The following CADM1 variants were observed in gnomAD, a reference collection of about 807,000 sequenced individuals.
The protein encoded by CADM1 is cell adhesion molecule 1.
In CADM1, 15 loss-of-function variants were observed where a neutral mutation model predicts 53.1. That is an observed-to-expected ratio of 0.28 (90% CI 0.19 to 0.44). The LOEUF (loss-of-function observed/expected upper bound fraction) is 0.44. Among genes scored for constraint, CADM1 ranks in the 20% least tolerant of loss-of-function variants. The pLI is 1.00. For synonymous variants in CADM1, 281 were observed against 243.0 expected (o/e 1.16, Z -1.45); for missense variants, 434 against 611.3 (o/e 0.71, Z 3.06).
intron 1 of CADM1, among the ~76,000 whole-genome samples, chr11:115,255,109 A>G (rs1431731991): frequency 6.6e-6 from 1 of 152,148 alleles, no homozygotes; most frequent in Non-Finnish European, 1.5e-5. Context: ...AGTCGAGAAT[A>G]CTTCAGAGGT....
intron 1 of CADM1, among the ~76,000 whole-genome samples, chr11:115,302,091 A>G (rs367659909): frequency 3.9e-5 from 6 of 152,062 alleles, no homozygotes; most frequent in African/African-American, 1.4e-4. Flanking sequence ...ACCTAATTTG[A>G]AAATGTTCAT....
intron 2 of CADM1, among the ~76,000 whole-genome samples, chr11:115,239,594 T>C (rs1942143309): frequency 6.6e-6 from 1 of 152,212 alleles, no homozygotes; most frequent in South Asian, 2.1e-4. Context: ...CTTAGGTTTA[T>C]CAACGTTTTC....
In CADM1 at chr11:115,462,949, C is replaced by A. The variant is rs935727383; in HGVS notation, c.124+41322G>T. On this transcript the variant is annotated intron_variant, in intron 1 of 11. Transcript: ENST00000331581. ...TGAAGAGGGATGAAGTAGTAGGTGC[C>A]CACTAGGGAAGGGGATGGTGACTGG... Among the ~76,000 whole-genome samples the A allele has an allele frequency of 3.3e-5, 5 of 152,142 alleles. No individual in the cohort carries two copies. The South Asian group carries it at 1.0e-3, about 32-fold the overall frequency.
intron 6 of CADM1, among the ~76,000 whole-genome samples, chr11:115,215,988 C>T (rs934898418): frequency 2.6e-5 from 4 of 152,178 alleles, no homozygotes; most frequent in African/African-American, 9.7e-5. Flanking sequence ...GGTTTGTCAT[C>T]ACAACCCAGT....
intron 1 of CADM1, among the ~76,000 whole-genome samples, chr11:115,363,944 C>T (rs1267061097): frequency 6.6e-6 from 1 of 152,058 alleles, no homozygotes; most frequent in Admixed American, 6.6e-5. Flanking sequence ...ATTACAGTAA[C>T]ATGCTGTACA....
At chr11:115,200,244 T>C (rs957059181) in intron 8 of CADM1, among the ~76,000 whole-genome samples, 2 of 152,130 alleles carry the variant, frequency 1.3e-5, no homozygotes, top group African/African-American at 4.8e-5. Flanking sequence ...AACAATAAAC[T>C]GTACAGTTGA....
At chr11:115,386,915 G>C (rs1276551291) in intron 1 of CADM1, among the ~76,000 whole-genome samples, 1 of 152,120 alleles carries the variant, frequency 6.6e-6, no homozygotes, top group African/African-American at 2.4e-5. Flanking sequence ...AGAAGAGTGG[G>C]AACTAATGAA....
chr11:115,499,380 T>C lies in CADM1; in HGVS notation c.124+4891A>G, dbSNP rs1176212344. On this transcript the variant is annotated intron_variant, in intron 1 of 11. Transcript: ENST00000331581. ...CCCTATGAAGGTGCTTTGGATGACA[T>C]TTCTGTTGCGGCTGCCAAATAAATT... Among the ~76,000 whole-genome samples the C allele has an allele frequency of 2.0e-5, 3 of 152,340 alleles. No individual in the cohort carries two copies. The East Asian group carries it at 5.8e-4, about 29-fold the overall frequency.
intron 1 of CADM1, among the ~76,000 whole-genome samples, chr11:115,452,573 A>C (rs1282407841): frequency 6.6e-6 from 1 of 152,240 alleles, no homozygotes; most frequent in East Asian, 1.9e-4. Context: ...ACCACATTAT[A>C]GGGATGGATT....
At chr11:115,206,557 G>C (rs914243022) in intron 8 of CADM1, among the ~76,000 whole-genome samples, 2 of 152,120 alleles carry the variant, frequency 1.3e-5, no homozygotes, top group Non-Finnish European at 2.9e-5. Flanking sequence ...GGAACAATTT[G>C]ATTATCCTGG....
At chr11:115,407,491 T>C (rs1457146160) in intron 1 of CADM1, among the ~76,000 whole-genome samples, 2 of 152,150 alleles carry the variant, frequency 1.3e-5, no homozygotes, top group African/African-American at 4.8e-5. Flanking sequence ...CCAAAATGCC[T>C]AGATATGCAC....
chr11:115,348,477 T>C (rs936330833), intron 1 of CADM1, among the ~76,000 whole-genome samples: 1 of 152,148 alleles, frequency 6.6e-6, no homozygotes, highest in African/African-American at 2.4e-5. Flanking sequence ...CCACACAAAT[T>C]GTAGAAAACC....
At chr11:115,183,490 A>T (rs909948055) in intron 10 of CADM1, among the ~76,000 whole-genome samples, 1 of 152,166 alleles carries the variant, frequency 6.6e-6, no homozygotes, top group East Asian at 1.9e-4. Flanking sequence ...GCAAATAGGG[A>T]CTTTGGCAGA....
At chr11:115,338,143 T>C (rs2135236194) in intron 1 of CADM1, among the ~76,000 whole-genome samples, 1 of 152,268 alleles carries the variant, frequency 6.6e-6, no homozygotes. Flanking sequence ...AGAACATCAT[T>C]ACCACCATCA....
rs141793304 is a variant in CADM1, at chr11:115,327,200, A to T, written c.125-86780T>A. 5.1e-3 allele frequency among the ~76,000 whole-genome samples: 772 copies of T among 152,238 alleles called. 9 individuals are homozygous for T. The highest frequency in any genetic ancestry group is 0.017 in the African/African-American group (719 of 41,530). On this transcript the variant is annotated intron_variant, in intron 1 of 11. Coordinates refer to ENST00000331581, the MANE Select transcript of CADM1 (RefSeq NM_001301043.2). The stretch of plus-strand genomic sequence containing the variant: ...GTCAGATTCTCTACTCCATGACATA[A>T]GCAGTGTTGTTACTTCCAGAGGGGT...
intron 1 of CADM1, among the ~76,000 whole-genome samples, chr11:115,261,768 C>A (rs1310478311): frequency 1.3e-5 from 2 of 151,512 alleles, no homozygotes; most frequent in Non-Finnish European, 2.9e-5. Context: ...TCAAAAATTT[C>A]ATGCACTCCA....
intron 1 of CADM1, among the ~76,000 whole-genome samples, chr11:115,357,665 T>C (rs542949817): frequency 6.6e-6 from 1 of 152,272 alleles, no homozygotes; most frequent in South Asian, 2.1e-4. Context: ...TTGTGACGAT[T>C]CATAACATAA....
chr11:115,413,848 T>G (rs1421182267), intron 1 of CADM1, among the ~76,000 whole-genome samples: 1 of 152,092 alleles, frequency 6.6e-6, no homozygotes, highest in Non-Finnish European at 1.5e-5. Flanking sequence ...TTTCACCATG[T>G]TGGCCAGGCT....
chr11:115,482,553 T>C (rs1300475141), intron 1 of CADM1, among the ~76,000 whole-genome samples: 3 of 152,218 alleles, frequency 2.0e-5, no homozygotes, highest in Admixed American at 6.5e-5. Context: ...CTATATTCAC[T>C]GTAGCCCAGA....
Sources: allele counts gnomAD v4.1 joint callset (sites outside exome capture counted in the v4.1 genomes callset), GRCh38; gene constraint gnomAD v4.1.1; transcripts MANE v1.5; gene names NCBI Gene and HGNC (gene_info 2026-07-23, HGNC 2026-07-21).